Variants in SKA1 observed in about 807,000 individuals in gnomAD.
SKA1 encodes the protein spindle and kinetochore associated complex subunit 1.
A neutral mutation model predicts 31.8 loss-of-function variants in SKA1; 20 were observed. That is an observed-to-expected ratio of 0.63 (90% CI 0.44 to 0.91). The LOEUF (loss-of-function observed/expected upper bound fraction) is 0.91. SKA1 is among the 40% of genes least tolerant of loss of function. The probability of loss-of-function intolerance (pLI) is 0.00; values close to 1 mark genes in which losing one functional copy is unlikely to be tolerated. For synonymous variants in SKA1, 88 were observed against 100.5 expected, an observed-to-expected ratio of 0.88 and a Z score of 0.74; for missense variants, 253 against 298.2, an observed-to-expected ratio of 0.85 and a Z score of 1.12.
intron 2 of SKA1, among the ~76,000 whole-genome samples, chr18:50,377,310 G>A (rs909305801): frequency 1.3e-5 from 2 of 152,054 alleles, no homozygotes; most frequent in Non-Finnish European, 2.9e-5. Flanking sequence ...ATCTTATGGG[G>A]CCACTGTCAT....
At chr18:50,389,309 C>T (rs574368444) in intron 5 of SKA1, among the ~76,000 whole-genome samples, 4 of 150,364 alleles carry the variant, frequency 2.7e-5, no homozygotes, top group African/African-American at 4.9e-5. Context: ...CTAGTGATGA[C>T]GTTGACATTG....
rs140318645 is a variant in SKA1, at chr18:50,383,840, G to A, written c.312-1376G>A. The stretch of plus-strand genomic sequence containing the variant: ...GGTCAAGACAAACAAGTACAGGTAC[G>A]ATTCAGCCAGTCTCACAGTGGAATC... On this transcript the variant is annotated intron_variant, in intron 4 of 6. Transcript: ENST00000285116. Among the ~76,000 whole-genome samples the A allele has an allele frequency of 6.1e-3, 922 of 152,342 alleles. 8 individuals carry two copies. The highest frequency in any genetic ancestry group is 0.021 in the African/African-American group (885 of 41,568).
At position 50,385,296 on chromosome 18, in the gene SKA1, AAAG is replaced by A; in HGVS notation, c.396_398del (p.Arg132del). 1 of 1,613,706 alleles carries A rather than the reference AAAG, an allele frequency of 6.2e-7. No homozygotes were observed. Among genetic ancestry groups the A allele is most frequent in the Non-Finnish European group, 8.5e-7 (1 of 1,179,758 alleles). ...CCCGTAAAGAAGCCTCCCAAAGAGC[AAAG>A]AAGTATTAAGGAAATGCCATTTATA... is the stretch of plus-strand genomic sequence containing the variant. On this transcript the variant is annotated inframe_deletion, in exon 5 of 7. Coordinates refer to ENST00000285116, the MANE Select transcript of SKA1 (RefSeq NM_145060.4).
intron 2 of SKA1, among the ~76,000 whole-genome samples, chr18:50,376,385 C>A (rs1234075262): frequency 1.3e-5 from 2 of 152,200 alleles, no homozygotes; most frequent in East Asian, 3.8e-4. Context: ...TCCTAGGCAA[C>A]AAACCCGTAT....
intron 3 of SKA1, among the ~76,000 whole-genome samples, chr18:50,380,822 G>A (rs904889495): frequency 2.0e-5 from 3 of 152,220 alleles, no homozygotes; most frequent in Admixed American, 6.5e-5. Context: ...TAATAAAAGT[G>A]CTGGTGCACT....
At chr18:50,379,231 T>C (rs1315963261) in intron 2 of SKA1, among the ~76,000 whole-genome samples, 1 of 152,248 alleles carries the variant, frequency 6.6e-6, no homozygotes, top group Non-Finnish European at 1.5e-5. Flanking sequence ...GAAGGGACTC[T>C]GATTTTCTCA....
At chr18:50,384,026 T>C (rs2041283125) in intron 4 of SKA1, among the ~76,000 whole-genome samples, 1 of 152,216 alleles carries the variant, frequency 6.6e-6, no homozygotes, top group Non-Finnish European at 1.5e-5. Context: ...TTCTGGGGAT[T>C]CCCTTGGCTT....
chr18:50,382,637 T>G (rs976505230), intron 4 of SKA1, among the ~76,000 whole-genome samples: 1 of 151,872 alleles, frequency 6.6e-6, no homozygotes, highest in Non-Finnish European at 1.5e-5. Flanking sequence ...ATGAAAAATG[T>G]CTCCAGACAT....
chr18:50,381,090 G>T (rs140341810), intron 3 of SKA1, among the ~76,000 whole-genome samples: 1 of 152,182 alleles, frequency 6.6e-6, no homozygotes, highest in Non-Finnish European at 1.5e-5. Context: ...AACCAATACC[G>T]GCATTTCAGT....
chr18:50,387,672 G>A (rs972328859), intron 5 of SKA1, among the ~76,000 whole-genome samples: 2 of 152,142 alleles, frequency 1.3e-5, no homozygotes, highest in African/African-American at 2.4e-5. Flanking sequence ...CCCATCAAAG[G>A]CATTCTTCAT....
intron 5 of SKA1, among the ~76,000 whole-genome samples, chr18:50,388,233 G>A (rs1300689814): frequency 1.2e-4 from 19 of 152,078 alleles, no homozygotes; most frequent in Admixed American, 1.1e-3. Flanking sequence ...GACTACAGGC[G>A]CCCGCCGCCA....
At chr18:50,390,314 A>G (rs949247149) in intron 5 of SKA1, among the ~76,000 whole-genome samples, 6 of 152,218 alleles carry the variant, frequency 3.9e-5, no homozygotes, top group African/African-American at 1.4e-4. Flanking sequence ...ATAGAAATGA[A>G]GGACAGAGCT....
At chr18:50,379,756 G>A (rs2041248723) in intron 2 of SKA1, among the ~76,000 whole-genome samples, 1 of 137,428 alleles carries the variant, frequency 7.3e-6, no homozygotes, top group Non-Finnish European at 1.6e-5. Context: ...TGGTATGAGG[G>A]GGAACCACAG....
At chr18:50,379,023 T>A (rs1431842145) in intron 2 of SKA1, among the ~76,000 whole-genome samples, 1 of 152,194 alleles carries the variant, frequency 6.6e-6, no homozygotes, top group Non-Finnish European at 1.5e-5. Context: ...GTCTCTGACT[T>A]CAGGCCTTCT....
chr18:50,375,807 T>C lies in SKA1; in HGVS notation c.-11-13T>C. 6.6e-7 allele frequency: 1 copy of C among 1,519,942 alleles called. No homozygotes were observed. Among genetic ancestry groups the C allele is most frequent in the Non-Finnish European group, 8.9e-7 (1 of 1,120,488 alleles). 94.2% of individuals were successfully genotyped at this position (1,519,942 alleles called of 1,614,324 possible). On this transcript the variant is annotated splice_polypyrimidine_tract_variant and intron_variant, in intron 1 of 6. Transcript: ENST00000285116. Reference sequence around the variant, plus strand: ...TTTTCTTGTTACGAATATGTTTATGTTTTTTTCTTCAGAGGCTTAAAGGAT... The same window carrying C: ...TTTTCTTGTTACGAATATGTTTATGCTTTTTTCTTCAGAGGCTTAAAGGAT...
At chr18:50,388,876 G>A (rs868817888) in intron 5 of SKA1, among the ~76,000 whole-genome samples, 3 of 152,080 alleles carry the variant, frequency 2.0e-5, no homozygotes, top group South Asian at 4.1e-4. Flanking sequence ...TGGAAGTATG[G>A]GGGGGCTCCC....
intron 3 of SKA1, among the ~76,000 whole-genome samples, chr18:50,381,161 C>T (rs2041258850): frequency 2.0e-5 from 3 of 152,248 alleles, no homozygotes; most frequent in Admixed American, 1.3e-4. Context: ...CAACTCAGAA[C>T]TGAAGGCTAT....
intron 5 of SKA1, among the ~76,000 whole-genome samples, chr18:50,388,713 G>T (rs2041331092): frequency 6.6e-6 from 1 of 152,164 alleles, no homozygotes; most frequent in Admixed American, 6.5e-5. Flanking sequence ...GCAGGTCTTT[G>T]TTTTGGATAA....
intron 5 of SKA1, among the ~76,000 whole-genome samples, chr18:50,390,414 A>G (rs16951854): frequency 0.06 from 9,138 of 152,224 alleles, 757 homozygotes; most frequent in African/African-American, 0.18. Context: ...TTCAAAATTG[A>G]GAGTCTCCTG....
Sources: gnomAD v4.1 joint callset for allele counts (sites outside exome capture counted in the v4.1 genomes callset) on GRCh38, gnomAD v4.1.1 for gene constraint, MANE v1.5 for transcripts, NCBI Gene and HGNC (gene_info 2026-07-23, HGNC 2026-07-21) for gene names.